Variants in NKAIN3 observed in about 807,000 individuals in gnomAD.
NKAIN3 encodes sodium/potassium transporting ATPase interacting 3.
In NKAIN3, 25 loss-of-function variants were observed where a neutral mutation model predicts 30.2. The observed-to-expected ratio is 0.83, with a 90% CI of 0.60 to 1.16. The LOEUF (loss-of-function observed/expected upper bound fraction) is 1.16, where lower values mean the gene tolerates loss of function less well. NKAIN3 is among the 50% of genes most tolerant of loss of function. The pLI is 0.00. For synonymous variants in NKAIN3, 91 were observed against 89.6 expected (o/e 1.02, Z -0.09); for missense variants, 225 against 254.1 (o/e 0.89, Z 0.78).
At chr8:62,260,001 A>T (rs1812384013) in intron 1 of NKAIN3, among the ~76,000 whole-genome samples, 2 of 151,938 alleles carry the variant, frequency 1.3e-5, no homozygotes, top group African/African-American at 4.8e-5. Flanking sequence ...CATTTTTTAG[A>T]TTTTTTTCTT....
intron 3 of NKAIN3, among the ~76,000 whole-genome samples, chr8:62,745,797 G>A (rs1816049969): frequency 6.6e-6 from 1 of 152,148 alleles, no homozygotes; most frequent in Admixed American, 6.5e-5. Context: ...GGAAGGACCT[G>A]GCTGTCTTCA....
chr8:62,520,636 A>G (rs932283370), intron 1 of NKAIN3, among the ~76,000 whole-genome samples: 23 of 152,132 alleles, frequency 1.5e-4, no homozygotes, highest in African/African-American at 5.3e-4. Context: ...ACATAATTAA[A>G]GTATTTGAAA....
intron 1 of NKAIN3, among the ~76,000 whole-genome samples, chr8:62,480,099 T>A (rs979442341): frequency 1.3e-5 from 2 of 152,204 alleles, no homozygotes; most frequent in African/African-American, 4.8e-5. Flanking sequence ...CATTAGGAAT[T>A]CAGTACTTCT....
At chr8:62,315,229 T>C (rs528288410) in intron 1 of NKAIN3, among the ~76,000 whole-genome samples, 2 of 152,304 alleles carry the variant, frequency 1.3e-5, no homozygotes, top group East Asian at 3.9e-4. Flanking sequence ...TAAAATGGAA[T>C]TCATAGAAGG....
intron 4 of NKAIN3, among the ~76,000 whole-genome samples, chr8:62,912,545 T>C (rs1178862773): frequency 6.6e-6 from 1 of 152,196 alleles, no homozygotes; most frequent in Non-Finnish European, 1.5e-5. Flanking sequence ...ACAAAAATAT[T>C]TTTTCTTTAC....
chr8:62,804,890 A>G (rs1818213968), intron 4 of NKAIN3, among the ~76,000 whole-genome samples: 1 of 152,226 alleles, frequency 6.6e-6, no homozygotes, highest in South Asian at 2.1e-4. Flanking sequence ...ATGATTGTAT[A>G]TCCAGAAAAC....
At chr8:62,517,266 G>A (rs1403142052) in intron 1 of NKAIN3, among the ~76,000 whole-genome samples, 1 of 151,926 alleles carries the variant, frequency 6.6e-6, no homozygotes, top group East Asian at 1.9e-4. Flanking sequence ...AAATGCAGTG[G>A]GTATTAATAA....
intron 3 of NKAIN3, among the ~76,000 whole-genome samples, chr8:62,614,373 T>C (rs781107800): frequency 5.9e-5 from 9 of 152,148 alleles, no homozygotes; most frequent in Non-Finnish European, 1.2e-4. Context: ...CTCTCTGCCC[T>C]GAGCCACCTA....
At chr8:62,731,024 G>C (rs1351564958) in intron 3 of NKAIN3, among the ~76,000 whole-genome samples, 1 of 151,988 alleles carries the variant, frequency 6.6e-6, no homozygotes, top group Non-Finnish European at 1.5e-5. Flanking sequence ...TGTGACTCAA[G>C]ACTTTGTAAA....
chr8:62,637,751 G>A (rs1284716682), intron 3 of NKAIN3, among the ~76,000 whole-genome samples: 2 of 152,140 alleles, frequency 1.3e-5, no homozygotes, highest in African/African-American at 2.4e-5. Flanking sequence ...TCCGGTGTCT[G>A]GGGCCTGGGA....
chr8:62,808,932 A>G (rs1297910147), intron 4 of NKAIN3, among the ~76,000 whole-genome samples: 1 of 152,098 alleles, frequency 6.6e-6, no homozygotes, highest in Admixed American at 6.6e-5. Context: ...GCTACGGGAG[A>G]CCAGGGCTTA....
At chr8:62,538,768 A>G (rs537592289) in intron 1 of NKAIN3, among the ~76,000 whole-genome samples, 2 of 152,282 alleles carry the variant, frequency 1.3e-5, no homozygotes, top group Admixed American at 6.5e-5. Flanking sequence ...ATTACATAGC[A>G]CTTTTTCCAC....
At chr8:62,290,341 C>T (rs966866792) in intron 1 of NKAIN3, among the ~76,000 whole-genome samples, 3 of 152,130 alleles carry the variant, frequency 2.0e-5, no homozygotes, top group Non-Finnish European at 4.4e-5. Context: ...GGGAATGCTT[C>T]CAGTTTTTGC....
chr8:62,959,986 T>A (rs1023467490), intron 6 of NKAIN3, among the ~76,000 whole-genome samples: 18 of 152,214 alleles, frequency 1.2e-4, no homozygotes, highest in African/African-American at 4.3e-4. Flanking sequence ...TGGACCTCTT[T>A]CCCTTTGTCA....
chr8:62,311,754 T>C (rs928877886), intron 1 of NKAIN3, among the ~76,000 whole-genome samples: 2 of 150,484 alleles, frequency 1.3e-5, no homozygotes, highest in African/African-American at 5.0e-5. Context: ...GTGAAGACTT[T>C]GGGAGGATGA....
chr8:62,918,404 T>C lies in NKAIN3; in HGVS notation c.472-49T>C, dbSNP rs186643775. 256 of 1,372,316 alleles carry C rather than the reference T, an allele frequency of 1.9e-4. No homozygotes were observed. The East Asian group carries it at 4.3e-3, about 23-fold the overall frequency. The allele number at this position is 1,372,316 out of a possible 1,614,324, so 85.0% of individuals were successfully genotyped here. The stretch of plus-strand genomic sequence containing the variant: ...TTAGATTATATTGGCTCTTTAAGTA[T>C]GGAAACTTGGCATAGATTCTTAAGG... On this transcript the variant is annotated intron_variant, in intron 4 of 6. Coordinates refer to ENST00000623646, the MANE Select transcript of NKAIN3 (RefSeq NM_001304533.3).
intron 6 of NKAIN3, among the ~76,000 whole-genome samples, chr8:62,964,996 G>A (rs1403082068): frequency 6.6e-6 from 1 of 152,088 alleles, no homozygotes; most frequent in African/African-American, 2.4e-5. Context: ...TAACTACCCA[G>A]CATACTGTAG....
At chr8:62,987,650 A>T (rs915586467), downstream of NKAIN3, among the ~76,000 whole-genome samples, 1 of 151,916 alleles carries the variant, frequency 6.6e-6, no homozygotes, top group African/African-American at 2.4e-5. Context: ...CCATGATTCA[A>T]TAACCTCCCA....
Position 62,893,029 on chromosome 8 carries a change from A to G in NKAIN3, c.472-25424A>G, listed in dbSNP as rs148990330. Among the ~76,000 whole-genome samples, 20 of 152,286 alleles carry G rather than the reference A, an allele frequency of 1.3e-4. No individual in the cohort carries two copies. The East Asian group carries it at 3.7e-3, about 28-fold the overall frequency. On this transcript the variant is annotated intron_variant, in intron 4 of 6. Coordinates refer to ENST00000623646, the MANE Select transcript of NKAIN3 (RefSeq NM_001304533.3). The stretch of plus-strand genomic sequence containing the variant: ...TTAATAAGAGGAAAATAAATTGTAT[A>G]ATTTTTTCACATAGCTATCGAGAGT...
Sources: gnomAD v4.1 joint callset for allele counts (sites outside exome capture counted in the v4.1 genomes callset) on GRCh38, gnomAD v4.1.1 for gene constraint, MANE v1.5 for transcripts, NCBI Gene and HGNC (gene_info 2026-07-23, HGNC 2026-07-21) for gene names.